NEFH: variants seen among roughly 807,000 people sequenced by gnomAD.
NEFH encodes the protein neurofilament heavy chain, also known as neurofilament heavy polypeptide.
NEFH carries 58 observed loss-of-function variants against 56.6 expected under a neutral mutation model. The observed-to-expected ratio is 1.03, with a 90% CI of 0.83 to 1.28. The LOEUF (loss-of-function observed/expected upper bound fraction) is 1.28. Among genes scored for constraint, NEFH ranks in the 50% most tolerant of loss-of-function variants. The probability of loss-of-function intolerance (pLI) is 0.00; values close to 1 mark genes in which losing one functional copy is unlikely to be tolerated. For missense variants in NEFH, 1,221 were observed against 1,307.6 expected (o/e 0.93, Z 1.02); for synonymous variants, 542 against 545.8 (o/e 0.99, Z 0.10).
rs771335598 is a variant in NEFH at position 29,489,992 on chromosome 22, G to A, written c.2352G>A (p.Lys784=). 1 of 1,613,644 alleles carries A rather than the reference G, an allele frequency of 6.2e-7. No homozygotes were observed. The highest frequency in any genetic ancestry group is 2.2e-5 in the East Asian group (1 of 44,842). Residue 784 remains lysine (K), a synonymous_variant, in exon 4 of 4, where the codon AAG becomes AAA. Coordinates refer to ENST00000310624, the MANE Select transcript of NEFH (RefSeq NM_021076.4). ...ARSPADKFPE[K]AKSPVKEEVK... ...CCCCTGCAGACAAATTCCCTGAAAA[G>A]GCCAAAAGCCCTGTCAAGGAGGAGG...
chr22:29,484,160 T>C (rs1466426825), intron 2 of NEFH, among the ~76,000 whole-genome samples: 1 of 152,130 alleles, frequency 6.6e-6, no homozygotes, highest in Non-Finnish European at 1.5e-5. Flanking sequence ...TAAAGAGATA[T>C]ACTTTAAATG....
intron 1 of NEFH, among the ~76,000 whole-genome samples, chr22:29,481,451 T>C (rs1476823043): frequency 6.6e-6 from 1 of 151,732 alleles, no homozygotes; most frequent in African/African-American, 2.4e-5. Flanking sequence ...CCCTCCCCCG[T>C]CAAGAAAAAA....
Position 29,491,067 on chromosome 22 carries a change from T to G in NEFH, c.*364T>G. 2.6e-6 allele frequency: 1 copy of G among 380,864 alleles called. No individual in the cohort carries two copies. The highest frequency in any genetic ancestry group is 5.0e-6 in the Non-Finnish European group (1 of 199,488). The allele number at this position is 380,864 out of a possible 1,614,324, so 23.6% of individuals were successfully genotyped here. A position where few individuals can be genotyped will look rare whatever the true frequency, so the allele number is the denominator to read the frequency against. ...ACTGACAGATGACCGCAATAATGAA[T>G]GAGCAGTTAGAAATACATTATGCTT... On this transcript the variant is annotated 3_prime_UTR_variant, in exon 4 of 4. Coordinates refer to ENST00000310624, the MANE Select transcript of NEFH (RefSeq NM_021076.4).
chr22:29,480,251 C>A lies in NEFH; in HGVS notation c.-12C>A. The A allele has an allele frequency of 6.7e-7, 1 of 1,502,436 alleles. No individual in the cohort carries two copies. Among genetic ancestry groups the A allele is most frequent in the East Asian group, 2.7e-5 (1 of 36,772 alleles). The allele number at this position is 1,502,436 out of a possible 1,614,324, so 93.1% of individuals were successfully genotyped here. A position where few individuals can be genotyped will look rare whatever the true frequency, so the allele number is the denominator to read the frequency against. Reference sequence around the variant, plus strand: ...TCCCGCCCCGTCCCGGCCTCGCGCACCTGCTCAGGCCATGATGAGCTTCGG... The same window carrying A: ...TCCCGCCCCGTCCCGGCCTCGCGCAACTGCTCAGGCCATGATGAGCTTCGG... On this transcript the variant is annotated 5_prime_UTR_variant, in exon 1 of 4. Transcript: ENST00000310624.
Position 29,480,863 on chromosome 22 carries a change from G to T in NEFH, c.601G>T (p.Ala201Ser), listed in dbSNP as rs1200689019. The change falls in exon 1 of 4, where the codon GCG becomes TCG. Residue 201 changes from alanine (A) to serine (S), a missense_variant. Transcript: ENST00000310624. ...QREEAEAAAR[A>S]LARFAQEAEA... ...AGAGGAGGCCGAGGCGGCGGCCCGC[G>T]CGCTGGCGCGCTTCGCGCAGGAGGC... 6.4e-6 allele frequency: 9 copies of T among 1,399,202 alleles called. No individual in the cohort carries two copies. The South Asian group carries it at 1.3e-4, about 20-fold the overall frequency. The allele number at this position is 1,399,202 out of a possible 1,614,324, so 86.7% of individuals were successfully genotyped here.
rs1373995254 is a variant in NEFH, at chr22:29,490,450, A to G, written c.2810A>G (p.Lys937Arg). ...EVAKKEPDDAKAKEPSKPAEK... is the reference protein window; with the variant it reads ...EVAKKEPDDARAKEPSKPAEK... ...GCCAAGAAGGAACCAGATGATGCCAAGGCCAAGGAACCCAGCAAACCAGCA... is the reference window on the plus strand; with the variant it reads ...GCCAAGAAGGAACCAGATGATGCCAGGGCCAAGGAACCCAGCAAACCAGCA... Residue 937 changes from lysine to arginine, a missense_variant, in exon 4 of 4, where the codon AAG becomes AGG. Around this residue, in one of 4 missense-constraint regions of NEFH, gnomAD observed 301 missense variants for 346.6 expected, o/e 0.87. Transcript: ENST00000310624. 3 of 1,600,880 alleles carry G rather than the reference A, an allele frequency of 1.9e-6. No homozygotes were observed. Among genetic ancestry groups the G allele is most frequent in the Non-Finnish European group, 2.5e-6 (3 of 1,176,756 alleles).
At chr22:29,484,356 G>A (rs1390679945) in intron 2 of NEFH, among the ~76,000 whole-genome samples, 1 of 152,096 alleles carries the variant, frequency 6.6e-6, no homozygotes, top group Non-Finnish European at 1.5e-5. Flanking sequence ...AAGATAACTG[G>A]CGGCTGGGCC....
In NEFH at chr22:29,480,384, C is replaced by T. The variant is rs1169876176; in HGVS notation, c.122C>T (p.Ala41Val). 23 of 1,536,324 alleles carry T rather than the reference C, an allele frequency of 1.5e-5. No individual in the cohort carries two copies. In the East Asian group the frequency reaches 1.9e-4, roughly 13 times the overall value. ...GGCGCAGGCGGGACGCGCTCCGCCG[C>T]TGGCTCCTCCAGCGGCTTCCACTCG... ...KGGAGGTRSA[A>V]GSSSGFHSWT... The change falls in exon 1 of 4, where the codon GCT (alanine) becomes GTT (valine). Residue 41 changes from alanine to valine, a missense_variant. This residue lies in a region of NEFH where 640 missense variants were observed against 555.5 expected (regional missense o/e 1.15). Coordinates refer to ENST00000310624, the MANE Select transcript of NEFH (RefSeq NM_021076.4).
chr22:29,480,434 G>C lies in NEFH; in HGVS notation c.172G>C (p.Val58Leu), dbSNP rs567284754. The C allele has an allele frequency of 3.9e-6, 6 of 1,531,788 alleles. No individual in the cohort carries two copies. Among genetic ancestry groups the C allele is most frequent in the African/African-American group, 1.4e-5 (1 of 72,764 alleles). 94.9% of individuals were successfully genotyped at this position (1,531,788 alleles called of 1,614,324 possible). A position where few individuals can be genotyped will look rare whatever the true frequency, so the allele number is the denominator to read the frequency against. ...HSWTRTSVSS[V>L]SASPSRFRGA... is the part of the protein sequence containing the mutation. ...GTGGACACGGACGTCCGTGAGCTCCGTGTCCGCCTCGCCCAGCCGCTTCCG... is the reference window on the plus strand; with the variant it reads ...GTGGACACGGACGTCCGTGAGCTCCCTGTCCGCCTCGCCCAGCCGCTTCCG... Residue 58 changes from valine to leucine, a missense_variant, in exon 1 of 4, where the codon GTG becomes CTG. Physicochemically the swap from Val to Leu is conservative, Grantham distance 32. Around this residue, in one of 4 missense-constraint regions of NEFH, gnomAD observed 640 missense variants for 555.5 expected, o/e 1.15. Coordinates refer to ENST00000310624, the MANE Select transcript of NEFH (RefSeq NM_021076.4).
chr22:29,486,020 T>C (rs780286942), intron 3 of NEFH, among the ~76,000 whole-genome samples, 173 bp downstream of exon 3: 3 of 152,186 alleles, frequency 2.0e-5, no homozygotes, highest in Non-Finnish European at 2.9e-5. Context: ...CAATTTCTTT[T>C]ATTTTTTATT....
Position 29,489,913 on chromosome 22 carries a change from C to G in NEFH, c.2273C>G (p.Thr758Ser). ...GCCAAGTCCCCAGAGAAGGCCAAGA[C>G]TCTTGATGTGAAGTCTCCAGAAGCC... ...EKAKSPEKAK[T>S]LDVKSPEAKT... The change falls in exon 4 of 4, where the codon ACT (threonine) becomes AGT (serine). Residue 758 changes from threonine to serine, a missense_variant. This residue lies in a region of NEFH where 301 missense variants were observed against 346.6 expected (regional missense o/e 0.87). Coordinates refer to ENST00000310624, the MANE Select transcript of NEFH (RefSeq NM_021076.4). The G allele has an allele frequency of 6.2e-7, 1 of 1,613,954 alleles. No homozygotes were observed. Among genetic ancestry groups the G allele is most frequent in the Non-Finnish European group, 8.5e-7 (1 of 1,180,020 alleles).
At chr22:29,481,556 A>G (rs75956622) in intron 1 of NEFH, among the ~76,000 whole-genome samples, 6,484 of 152,222 alleles carry the variant, frequency 0.043, 472 homozygotes, top group African/African-American at 0.15. Context: ...TTCCCCGCCA[A>G]TGCTGCCATG....
intron 2 of NEFH, among the ~76,000 whole-genome samples, chr22:29,485,017 G>A (rs2063036137): frequency 6.6e-6 from 1 of 152,020 alleles, no homozygotes; most frequent in Non-Finnish European, 1.5e-5. Context: ...TAATTGTTTT[G>A]TAGAAATGAG....
At chr22:29,488,665 G>T (rs2063057668) in intron 3 of NEFH, among the ~76,000 whole-genome samples, 184 bp from the exon 4 acceptor site, 1 of 152,048 alleles carries the variant, frequency 6.6e-6, no homozygotes, top group Non-Finnish European at 1.5e-5. Context: ...TACACATTCT[G>T]GGTGGTCACT....
rs1171638158 is a variant in NEFH, at chr22:29,489,072, G to A, written c.1432G>A (p.Ala478Thr). 3 of 1,613,740 alleles carry A rather than the reference G, an allele frequency of 1.9e-6. No individual in the cohort carries two copies. Among genetic ancestry groups the A allele is most frequent in the Non-Finnish European group, 1.7e-6 (2 of 1,179,736 alleles). Residue 478 changes from alanine (A) to threonine (T), a missense_variant, in exon 4 of 4, where the codon GCC (alanine) becomes ACC (threonine). By Grantham distance (58) the Ala-to-Thr change is moderately conservative. This residue lies in a region of NEFH where 243 missense variants were observed against 299.1 expected (regional missense o/e 0.81). Coordinates refer to ENST00000310624, the MANE Select transcript of NEFH (RefSeq NM_021076.4). ...EEVTEEEEKEAKEEEGKEEEG... is the reference protein window; with the variant it reads ...EEVTEEEEKETKEEEGKEEEG... ...AGTGACTGAAGAAGAGGAGAAAGAG[G>A]CCAAAGAGGAGGAGGGCAAGGAGGA... is the stretch of plus-strand genomic sequence containing the variant.
In NEFH at chr22:29,490,507, A is replaced by G. The variant is rs1349524367; in HGVS notation, c.2867A>G (p.Asp956Gly). 6.3e-7 allele frequency: 1 copy of G among 1,589,364 alleles called. No individual in the cohort carries two copies. Among genetic ancestry groups the G allele is most frequent in the Non-Finnish European group, 8.5e-7 (1 of 1,173,202 alleles). ...EKKEAAPEKK[D>G]TKEEKAKKPE... ...AAGGAGGCAGCACCGGAGAAAAAAG[A>G]CACCAAGGAGGAGAAGGCCAAGAAG... Residue 956 changes from aspartate (D) to glycine (G), a missense_variant, in exon 4 of 4, where the codon GAC (aspartate) becomes GGC (glycine). Around this residue, in one of 4 missense-constraint regions of NEFH, gnomAD observed 301 missense variants for 346.6 expected, o/e 0.87. Coordinates refer to ENST00000310624, the MANE Select transcript of NEFH (RefSeq NM_021076.4).
chr22:29,485,369 T>C (rs2063038242), intron 2 of NEFH, among the ~76,000 whole-genome samples: 2 of 152,162 alleles, frequency 1.3e-5, no homozygotes, highest in Admixed American at 1.3e-4. Context: ...TCCCAAAGTG[T>C]TGGGAATACA....
rs7289196 is a variant in NEFH at position 29,480,817 on chromosome 22, A to G, written c.555A>G (p.Leu185=). The part of the protein sequence containing the change: ...LEDIAHVRQR[L]DDEARQREEA... ...ACATCGCGCACGTGCGCCAGCGCCT[A>G]GACGACGAGGCCCGGCAGCGAGAGG... Residue 185 remains leucine, a synonymous_variant, in exon 1 of 4, where the codon CTA becomes CTG. Coordinates refer to ENST00000310624, the MANE Select transcript of NEFH (RefSeq NM_021076.4). 2 of 1,398,744 alleles carry G rather than the reference A, an allele frequency of 1.4e-6. No individual in the cohort carries two copies. The highest frequency in any genetic ancestry group is 2.9e-5 in the East Asian group (1 of 34,252). 86.6% of individuals were successfully genotyped at this position (1,398,744 alleles called of 1,614,324 possible). A position where few individuals can be genotyped will look rare whatever the true frequency, so the allele number is the denominator to read the frequency against.
chr22:29,480,308 G>A lies in NEFH; in HGVS notation c.46G>A (p.Ala16Thr). ...GADALLGAPF[A>T]PLHGGGSLHY... ...GGACGCGCTGCTGGGCGCCCCGTTC[G>A]CGCCGCTGCATGGCGGCGGCAGCCT... The change falls in exon 1 of 4, where the codon GCG becomes ACG. Residue 16 changes from alanine (A) to threonine (T), a missense_variant. By Grantham distance (58) the Ala-to-Thr change is moderately conservative. Around this residue, in one of 4 missense-constraint regions of NEFH, gnomAD observed 640 missense variants for 555.5 expected, o/e 1.15. Coordinates refer to ENST00000310624, the MANE Select transcript of NEFH (RefSeq NM_021076.4). 1.3e-6 allele frequency: 2 copies of A among 1,506,686 alleles called. No homozygotes were observed. The highest frequency in any genetic ancestry group is 2.2e-5 in the Admixed American group (1 of 45,628). 93.3% of individuals were successfully genotyped at this position (1,506,686 alleles called of 1,614,324 possible). A position where few individuals can be genotyped will look rare whatever the true frequency, so the allele number is the denominator to read the frequency against.
Sources: allele counts gnomAD v4.1 joint callset (sites outside exome capture counted in the v4.1 genomes callset), GRCh38; gene constraint gnomAD v4.1.1; regional missense constraint gnomAD v4.1.1; transcripts MANE v1.5; gene names NCBI Gene and HGNC (gene_info 2026-07-23, HGNC 2026-07-21).